Variants in ANO6 observed in about 807,000 individuals in gnomAD.
ANO6 encodes the protein anoctamin-6.
ANO6 carries 106 observed loss-of-function variants against 117.5 expected under a neutral mutation model. The observed-to-expected ratio is 0.90, with a 90% CI of 0.77 to 1.06. The LOEUF (loss-of-function observed/expected upper bound fraction) is 1.06. Ranked by LOEUF, ANO6 falls within the 50% of genes least tolerant of loss-of-function variation. The pLI, the probability that ANO6 is intolerant of heterozygous loss-of-function variation, is 0.00. For missense variants in ANO6, 955 were observed against 1,121.1 expected (o/e 0.85, Z 2.12); for synonymous variants, 367 against 385.1 (o/e 0.95, Z 0.55).
At chr12:45,392,838 G>A (rs1159013854) in intron 12 of ANO6, among the ~76,000 whole-genome samples, 1 of 152,228 alleles carries the variant, frequency 6.6e-6, no homozygotes, top group African/African-American at 2.4e-5. Context: ...AACCCCATCT[G>A]TAGGTCACCA....
At chr12:45,317,107 T>TTATGTGTGTGTGTATATA (rs1185224135) in intron 2 of ANO6, among the ~76,000 whole-genome samples, 1 of 12,466 alleles carries the variant, frequency 8.0e-5, no homozygotes, top group African/African-American at 8.9e-5. Context: ...TGGATTCTTT[T>TTATGTGTGTGTGTATATA]TATATGTATA....
At chr12:45,272,782 G>T (rs1184165679) in intron 1 of ANO6, among the ~76,000 whole-genome samples, 1 of 152,184 alleles carries the variant, frequency 6.6e-6, no homozygotes, top group Non-Finnish European at 1.5e-5. Context: ...ACTACCACAT[G>T]ATCCTGCAGT....
At chr12:45,370,203 G>A (rs1294044620) in intron 9 of ANO6, among the ~76,000 whole-genome samples, 4 of 152,124 alleles carry the variant, frequency 2.6e-5, no homozygotes, top group Non-Finnish European at 5.9e-5. Flanking sequence ...CTTACTTCCT[G>A]CTTCCACATA....
intron 2 of ANO6, among the ~76,000 whole-genome samples, chr12:45,312,149 G>C (rs1939869149): frequency 6.6e-6 from 1 of 151,998 alleles, no homozygotes; most frequent in Non-Finnish European, 1.5e-5. Flanking sequence ...ACAAAAACAT[G>C]GGTGAGGAAA....
At chr12:45,390,535 AT>A in intron 12 of ANO6, 37 bp downstream of exon 12, 1 of 1,570,108 alleles carries the variant, frequency 6.4e-7, no homozygotes, top group Non-Finnish European at 8.8e-7. Flanking sequence ...ATGATTAAAA[AT>A]GTTTTTATTA....
intron 1 of ANO6, among the ~76,000 whole-genome samples, chr12:45,268,035 C>T (rs952999199): frequency 6.6e-6 from 1 of 152,208 alleles, no homozygotes; most frequent in African/African-American, 2.4e-5. Flanking sequence ...AGGCCAGGTG[C>T]ATTTTTTAAT....
At chr12:45,245,475 G>A (rs948410413) in intron 1 of ANO6, among the ~76,000 whole-genome samples, 48 of 149,014 alleles carry the variant, frequency 3.2e-4, no homozygotes, top group Non-Finnish European at 3.0e-4. Flanking sequence ...CTTTCCTTGG[G>A]TTAGTAGTGT....
chr12:45,247,725 G>A lies in ANO6; in HGVS notation c.70+31334G>A, dbSNP rs1186607995. Reference sequence around the variant, plus strand: ...TCTCTGTTTCCACATGATGGAGAGAGAGACTGTGTGCATGACTGTGTGAAC... The same window carrying A: ...TCTCTGTTTCCACATGATGGAGAGAAAGACTGTGTGCATGACTGTGTGAAC... On this transcript the variant is annotated intron_variant, in intron 1 of 19. Coordinates refer to ENST00000320560, the MANE Select transcript of ANO6 (RefSeq NM_001025356.3). Among the ~76,000 whole-genome samples the A allele has an allele frequency of 2.0e-5, 3 of 152,214 alleles. No individual in the cohort carries two copies. In the East Asian group the frequency reaches 5.8e-4, roughly 29 times the overall value.
chr12:45,352,059 A>T (rs1456163287), intron 7 of ANO6, among the ~76,000 whole-genome samples: 8 of 151,866 alleles, frequency 5.3e-5, no homozygotes. Flanking sequence ...AGGAGAGTTA[A>T]CTTCATGTCT....
intron 10 of ANO6, among the ~76,000 whole-genome samples, chr12:45,378,424 G>A (rs1411157445): frequency 1.3e-5 from 2 of 152,124 alleles, no homozygotes; most frequent in Non-Finnish European, 2.9e-5. Flanking sequence ...GCTCCACTGG[G>A]GATAGATGAT....
In ANO6 at chr12:45,348,058, G is replaced by C; in HGVS notation, c.376G>C (p.Val126Leu). 2 of 1,613,916 alleles carry C rather than the reference G, an allele frequency of 1.2e-6. No individual in the cohort carries two copies. Among genetic ancestry groups the C allele is most frequent in the Non-Finnish European group, 1.7e-6 (2 of 1,179,924 alleles). ...VLDDKLVFVK[V>L]HAPWEVLCTY... The stretch of plus-strand genomic sequence containing the variant: ...GGATGACAAGCTTGTATTTGTAAAA[G>C]TACACGCACCATGGGAGGTGTTATG... Residue 126 changes from valine to leucine, a missense_variant, in exon 5 of 20, where the codon GTA becomes CTA. Val to Leu is a conservative substitution (Grantham distance 32). Coordinates refer to ENST00000320560, the MANE Select transcript of ANO6 (RefSeq NM_001025356.3).
rs1355527757 is a variant in ANO6, at chr12:45,348,040, A to C, written c.358A>C (p.Lys120Gln). The change falls in exon 5 of 20, where the codon AAG becomes CAG. Residue 120 changes from lysine (K) to glutamine (Q), a missense_variant. Physicochemically the swap from Lys to Gln is moderately conservative, Grantham distance 53. Coordinates refer to ENST00000320560, the MANE Select transcript of ANO6 (RefSeq NM_001025356.3). ...LEATRSVLDDKLVFVKVHAPW... is the reference protein window; with the variant it reads ...LEATRSVLDDQLVFVKVHAPW... ...TTTTCCAATATAGGTATTGGATGAC[A>C]AGCTTGTATTTGTAAAAGTACACGC... is the stretch of plus-strand genomic sequence containing the variant. 1 of 1,613,824 alleles carries C rather than the reference A, an allele frequency of 6.2e-7. No individual in the cohort carries two copies.
chr12:45,270,525 G>C, intron 1 of ANO6: 1 of 1,099,444 alleles, frequency 9.1e-7, no homozygotes, highest in South Asian at 1.5e-5. Flanking sequence ...TCCAGCCTGG[G>C]TAAGATCCCC....
At chr12:45,271,224 C>A (rs1255734184) in intron 1 of ANO6, among the ~76,000 whole-genome samples, 1 of 152,066 alleles carries the variant, frequency 6.6e-6, no homozygotes. Flanking sequence ...CAGGGACCTT[C>A]GAATAACATA....
chr12:45,409,961 G>A (rs1194828229), intron 16 of ANO6, among the ~76,000 whole-genome samples: 2 of 152,186 alleles, frequency 1.3e-5, no homozygotes, highest in Non-Finnish European at 2.9e-5. Context: ...TCACCATGTT[G>A]TCCAGGCTAG....
chr12:45,381,540 C>T (rs1435775906), intron 10 of ANO6, among the ~76,000 whole-genome samples: 1 of 152,194 alleles, frequency 6.6e-6, no homozygotes, highest in Admixed American at 6.5e-5. Flanking sequence ...CAGGAGTACT[C>T]CAAAACACTG....
chr12:45,239,050 C>T (rs919062789), intron 1 of ANO6, among the ~76,000 whole-genome samples: 7 of 152,162 alleles, frequency 4.6e-5, no homozygotes, highest in Admixed American at 3.3e-4. Context: ...ATGATGCTGG[C>T]CTCATAAAAT....
chr12:45,348,256 A>C lies in ANO6; in HGVS notation c.574A>C (p.Asn192His). Reference sequence around the variant, plus strand: ...TGCCCCATTTGAGAAGAACCGGATGAATGATTTTTACATAGTTGATAGAGA... The same window carrying C: ...TGCCCCATTTGAGAAGAACCGGATGCATGATTTTTACATAGTTGATAGAGA... ...FTAPFEKNRM[N>H]DFYIVDRDAF... is the part of the protein sequence containing the mutation. The change falls in exon 5 of 20, where the codon AAT becomes CAT. Residue 192 changes from asparagine to histidine, a missense_variant. By Grantham distance (68) the Asn-to-His change is moderately conservative. Transcript: ENST00000320560. The C allele has an allele frequency of 6.2e-7, 1 of 1,614,058 alleles. No homozygotes were observed. The highest frequency in any genetic ancestry group is 8.5e-7 in the Non-Finnish European group (1 of 1,179,950).
chr12:45,348,692 C>T, intron 6 of ANO6, 61 bp downstream of exon 6: 1 of 1,248,118 alleles, frequency 8.0e-7, no homozygotes, highest in Non-Finnish European at 1.2e-6. Context: ...TTGACAATAG[C>T]AAAGGGCTAA....
Sources: allele counts gnomAD v4.1 joint callset (sites outside exome capture counted in the v4.1 genomes callset), GRCh38; gene constraint gnomAD v4.1.1; transcripts MANE v1.5; gene names NCBI Gene and HGNC (gene_info 2026-07-23, HGNC 2026-07-21).